Variants in TMEM182 observed in about 807,000 individuals in gnomAD.
TMEM182 encodes the protein transmembrane protein 182.
A neutral mutation model predicts 26.8 loss-of-function variants in TMEM182; 20 were observed. That is an observed-to-expected ratio of 0.75 (90% confidence interval 0.53 to 1.09). TMEM182 has a LOEUF of 1.09. TMEM182 is among the 50% of genes least tolerant of loss of function. TMEM182 has a pLI of 0.00. For synonymous variants in TMEM182, 109 were observed against 102.2 expected, an observed-to-expected ratio of 1.07 and a Z score of -0.40; for missense variants, 277 against 275.5, an observed-to-expected ratio of 1.01 and a Z score of -0.04.
In TMEM182 at chr2:102,762,122, CTTT is replaced by C. The variant is rs5833037; in HGVS notation, c.-82_-80del. The C allele has an allele frequency of 0.02, 14,236 of 723,164 alleles. No homozygotes were observed. The highest frequency in any genetic ancestry group is 0.024 in the East Asian group (730 of 30,048). 44.8% of individuals were successfully genotyped at this position (723,164 alleles called of 1,614,324 possible). On this transcript the variant is annotated 5_prime_UTR_variant, in exon 1 of 5. Transcript: ENST00000412401. ...ATTCTGCCAACTCAAAAATATTATT[CTTT>C]TTTTTTTTTTTTTGCTGTTGTTTCT...
intron 1 of TMEM182, among the ~76,000 whole-genome samples, chr2:102,752,594 G>A (rs1679906403): frequency 6.6e-6 from 1 of 152,140 alleles, no homozygotes; most frequent in Non-Finnish European, 1.5e-5. Context: ...TGGAGACATG[G>A]TGGCACTCTG....
chr2:102,779,732 C>T (rs1241622996), intron 3 of TMEM182, among the ~76,000 whole-genome samples: 1 of 151,066 alleles, frequency 6.6e-6, no homozygotes, highest in Non-Finnish European at 1.5e-5. Flanking sequence ...TGTGGTGGCT[C>T]ATGCTTGTAA....
intron 3 of TMEM182, among the ~76,000 whole-genome samples, chr2:102,766,961 A>G (rs1001089587): frequency 5.3e-5 from 8 of 152,204 alleles, no homozygotes; most frequent in Non-Finnish European, 7.3e-5. Context: ...TCCTTTTATA[A>G]TAAGGAGACT....
At chr2:102,772,334 A>G (rs1680713281) in intron 3 of TMEM182, among the ~76,000 whole-genome samples, 1 of 152,178 alleles carries the variant, frequency 6.6e-6, no homozygotes, top group African/African-American at 2.4e-5. Flanking sequence ...CTTTCATTAT[A>G]GCGGGGAGGC....
rs10691405 is a variant in TMEM182, at chr2:102,839,447, C to CTATATATATATATA, written c.326-3954_326-3941dup. Among the ~76,000 whole-genome samples, 999 of 134,290 alleles carry CTATATATATATATA rather than the reference C, an allele frequency of 7.4e-3. 15 individuals carry two copies. Among genetic ancestry groups the CTATATATATATATA allele is most frequent in the African/African-American group, 0.014 (484 of 35,656 alleles). 88.1% of individuals were successfully genotyped at this position (134,290 alleles called of 152,430 possible). On this transcript the variant is annotated intron_variant, in intron 3 of 3. Coordinates refer to the TMEM182 transcript ENST00000486293. ...TTATGGAGTACATTGTGATGTTTTG[C>CTATATATATATATA]TATATATATATATATATATATATAA...
At chr2:102,803,952 C>T (rs942485640) in intron 4 of TMEM182, among the ~76,000 whole-genome samples, 2 of 151,720 alleles carry the variant, frequency 1.3e-5, no homozygotes, top group African/African-American at 2.4e-5. Flanking sequence ...TGCAGGCACA[C>T]GCAGCCCTGG....
intron 3 of TMEM182, among the ~76,000 whole-genome samples, chr2:102,840,507 T>G (rs1683328541): frequency 6.6e-6 from 1 of 152,040 alleles, no homozygotes; most frequent in South Asian, 2.1e-4. Context: ...AACACCGGCG[T>G]TAGTGGGTCA....
chr2:102,800,795 GTT>G (rs1491519989), intron 4 of TMEM182, among the ~76,000 whole-genome samples: 12 of 122,170 alleles, frequency 9.8e-5, no homozygotes, highest in Non-Finnish European at 1.9e-4. Context: ...GTTTTGGACA[GTT>G]TGTGTGTGTG....
intron 2 of TMEM182, among the ~76,000 whole-genome samples, chr2:102,763,775 G>T (rs148739318): frequency 0.011 from 1,722 of 152,256 alleles, 40 homozygotes; most frequent in African/African-American, 0.039. Context: ...CCACCTTAAA[G>T]TGTACATATA....
rs1044652492 is a variant in TMEM182, at chr2:102,816,948, G to A, written c.*1980G>A. ...CCTCACTTTATAGTACACTTAAGTG[G>A]CTACCATATATTTTTTATATGACAA... On this transcript the variant is annotated 3_prime_UTR_variant, in exon 5 of 5. Transcript: ENST00000412401. The A allele has an allele frequency of 1.0e-6, 1 of 985,520 alleles. No homozygotes were observed. The highest frequency in any genetic ancestry group is 1.7e-5 in the African/African-American group (1 of 57,210). 61.0% of individuals were successfully genotyped at this position (985,520 alleles called of 1,614,324 possible).
intron 3 of TMEM182, among the ~76,000 whole-genome samples, chr2:102,823,683 A>T (rs571693182): frequency 2.3e-4 from 35 of 152,324 alleles, no homozygotes; most frequent in Middle Eastern, 3.4e-3. Context: ...ATAGCACATA[A>T]TGCATCCTCA....
intron 4 of TMEM182, among the ~76,000 whole-genome samples, chr2:102,812,637 AT>A (rs1682595816): frequency 6.6e-6 from 1 of 152,140 alleles, no homozygotes; most frequent in Non-Finnish European, 1.5e-5. Context: ...CCTGCAATAC[AT>A]TTTCCTAATA....
At chr2:102,737,063 C>G (rs1679374178) in intron 1 of TMEM182, 1 of 506,958 alleles carries the variant, frequency 2.0e-6, no homozygotes. Flanking sequence ...TTTGTTTCCT[C>G]TGGGTACAGA....
At chr2:102,838,696 A>G (rs2104781600) in intron 3 of TMEM182, among the ~76,000 whole-genome samples, 2 of 152,214 alleles carry the variant, frequency 1.3e-5, no homozygotes, top group African/African-American at 4.8e-5. Flanking sequence ...TAAAAGTAGA[A>G]ATCAGTTCAG....
intron 3 of TMEM182, among the ~76,000 whole-genome samples, chr2:102,769,609 A>T (rs1156248340): frequency 6.6e-6 from 1 of 152,176 alleles, no homozygotes; most frequent in African/African-American, 2.4e-5. Context: ...TGATTTCTCA[A>T]ATTTTAAACA....
exon 4 of TMEM182, chr2:102,843,537 A>C (rs955044301): frequency 1.3e-5 from 2 of 152,194 alleles, no homozygotes; most frequent in Non-Finnish European, 2.9e-5. Context: ...GCTGGGATGG[A>C]CCAGTCACTG....
At chr2:102,792,326 T>C (rs1230016754) in intron 3 of TMEM182, among the ~76,000 whole-genome samples, 1 of 152,172 alleles carries the variant, frequency 6.6e-6, no homozygotes, top group Admixed American at 6.6e-5. Flanking sequence ...TTTCATATAT[T>C]ATATCAATTA....
At chr2:102,747,902 T>C (rs1167727636) in intron 1 of TMEM182, among the ~76,000 whole-genome samples, 2 of 152,238 alleles carry the variant, frequency 1.3e-5, no homozygotes, top group African/African-American at 4.8e-5. Context: ...CTCTGCTGCC[T>C]TTATAAATCA....
At chr2:102,775,457 C>G (rs1680873900) in intron 3 of TMEM182, 1 of 152,158 alleles carries the variant, frequency 6.6e-6, no homozygotes, top group Non-Finnish European at 1.5e-5. Flanking sequence ...AAACTGGAAG[C>G]ATTCCCTTTG....
Sources: gnomAD v4.1 joint callset for allele counts (sites outside exome capture counted in the v4.1 genomes callset) on GRCh38, gnomAD v4.1.1 for gene constraint, MANE v1.5 for transcripts, NCBI Gene and HGNC (gene_info 2026-07-23, HGNC 2026-07-21) for gene names.